Variants in EIF6 observed in about 807,000 individuals in gnomAD.
The protein encoded by EIF6 is B4 integrin interactor.
A neutral mutation model predicts 25.5 loss-of-function variants in EIF6; 10 were observed. The observed-to-expected ratio is 0.39, with a 90% CI of 0.24 to 0.66. EIF6 has a LOEUF of 0.66. Ranked by LOEUF, EIF6 falls within the 30% of genes least tolerant of loss-of-function variation. The probability of loss-of-function intolerance (pLI) is 0.45; values close to 1 mark genes in which losing one functional copy is unlikely to be tolerated. For missense variants in EIF6, 246 were observed against 315.4 expected (o/e 0.78, Z 1.67); for synonymous variants, 122 against 122.6 (o/e 1.00, Z 0.03).
Position 35,279,029 on chromosome 20 carries a change from T to C in EIF6, c.*168A>G, listed in dbSNP as rs529273542. Reference sequence around the variant, plus strand: ...ACAGAGCAGGTTTTTGCAGTAATGATAGATCCAGGCGATAAGCACAGGTGG... The same window carrying C: ...ACAGAGCAGGTTTTTGCAGTAATGACAGATCCAGGCGATAAGCACAGGTGG... On this transcript the variant is annotated 3_prime_UTR_variant, in exon 7 of 7. Coordinates refer to ENST00000374450, the MANE Select transcript of EIF6 (RefSeq NM_002212.4). 8 of 833,814 alleles carry C rather than the reference T, an allele frequency of 9.6e-6. No homozygotes were observed. Among genetic ancestry groups the C allele is most frequent in the African/African-American group, 1.7e-5 (1 of 58,768 alleles). 51.7% of individuals were successfully genotyped at this position (833,814 alleles called of 1,614,324 possible).
chr20:35,284,683 G>T, intron 1 of EIF6, 43 bp downstream of exon 1: 1 of 640,200 alleles, frequency 1.6e-6, no homozygotes, highest in Non-Finnish European at 2.7e-6. Context: ...TCCCGACCCA[G>T]GACCGGAGCT....
chr20:35,281,328 G>GATTGCTCGGGGGAATAGGT (rs1171819617), intron 3 of EIF6, among the ~76,000 whole-genome samples: 1 of 151,316 alleles, frequency 6.6e-6, no homozygotes, highest in Non-Finnish European at 1.5e-5. Context: ...GGAGCTTGCA[G>GATTGCTCGGGGGAATAGGT]TGAGCCGAGA....
intron 4 of EIF6, 109 bp downstream of exon 4, chr20:35,280,545 T>C (rs903662197): frequency 2.2e-5 from 29 of 1,338,936 alleles, no homozygotes; most frequent in South Asian, 2.1e-4. Context: ...AGAGCCCATA[T>C]AGAAAAACCA....
At chr20:35,284,597 G>T (rs999467908) in intron 1 of EIF6, 105 bp from the exon 2 acceptor site, 1 of 1,347,158 alleles carries the variant, frequency 7.4e-7, no homozygotes. Context: ...TCGGCCTCCC[G>T]GCCCCTCCGT....
chr20:35,279,841 A>G, intron 5 of EIF6, 94 bp from the exon 6 acceptor site: 4 of 1,588,964 alleles, frequency 2.5e-6, no homozygotes, highest in Non-Finnish European at 2.6e-6. Flanking sequence ...CCTGACCTGC[A>G]GCCCCAGTCC....
chr20:35,284,038 G>T, intron 3 of EIF6, 138 bp downstream of exon 3: 1 of 1,122,996 alleles, frequency 8.9e-7, no homozygotes, highest in Non-Finnish European at 1.2e-6. Context: ...CCTGACGCTT[G>T]GCCTGAGAGA....
rs2060759143 is a variant in EIF6 at position 35,279,964 on chromosome 20, G to A, written c.524C>T (p.Ser175Phe). 7.4e-6 allele frequency: 12 copies of A among 1,614,148 alleles called. No individual in the cohort carries two copies. The highest frequency in any genetic ancestry group is 1.0e-5 in the Non-Finnish European group (12 of 1,180,000). The change falls in exon 5 of 7, where the codon TCT becomes TTT. Residue 175 changes from serine (S) to phenylalanine (F), a missense_variant. Physicochemically the swap from Ser to Phe is radical, Grantham distance 155. Transcript: ENST00000374450. Reference sequence around the variant, plus strand: ...TACCACAAGGGGGACTTGAAGAAGAGAGGACAGCTCATCCTGGTCTTCAAT... The same window carrying A: ...TACCACAAGGGGGACTTGAAGAAGAAAGGACAGCTCATCCTGGTCTTCAAT... ...TSIEDQDELS[S>F]LLQVPLVAGT...
chr20:35,279,138 G>A lies in EIF6; in HGVS notation c.*59C>T. The A allele has an allele frequency of 1.2e-6, 2 of 1,611,322 alleles. No individual in the cohort carries two copies. The highest frequency in any genetic ancestry group is 1.7e-6 in the Non-Finnish European group (2 of 1,177,716). On this transcript the variant is annotated 3_prime_UTR_variant, in exon 7 of 7. Coordinates refer to ENST00000374450, the MANE Select transcript of EIF6 (RefSeq NM_002212.4). ...GCATCCGGTACAGATTGGGCGGAAT[G>A]TGGAGAAGGTTGGCCACAGTCCAGA...
intron 5 of EIF6, 70 bp downstream of exon 5, chr20:35,279,872 C>A: frequency 6.3e-7 from 1 of 1,589,394 alleles, no homozygotes; most frequent in South Asian, 1.1e-5. Flanking sequence ...CAGGTAATGA[C>A]CCAGACTCCC....
chr20:35,280,014 T>C lies in EIF6; in HGVS notation c.474A>G (p.Gly158=). The change falls in exon 5 of 7, where the codon GGA becomes GGG. Residue 158 remains glycine (G), a synonymous_variant. Coordinates refer to ENST00000374450, the MANE Select transcript of EIF6 (RefSeq NM_002212.4). ...TTGAAGTCTTGGGATGCACCAGCCC[T>C]CCCTGATTGCTGAAGACACAGTAGC... ...VGSYCVFSNQ[G]GLVHPKTSIE... is the part of the protein sequence containing the mutation. 1.2e-6 allele frequency: 2 copies of C among 1,614,208 alleles called. No individual in the cohort carries two copies. The highest frequency in any genetic ancestry group is 1.7e-6 in the Non-Finnish European group (2 of 1,180,028).
In EIF6 at chr20:35,284,500, C is replaced by A; in HGVS notation, c.-5-8G>T. Reference sequence around the variant, plus strand: ...CTCGGACCGCCATGAGGCCTAGGGGCGGCGGAGGCGGGAGTTCAAGGCCGG... The same window carrying A: ...CTCGGACCGCCATGAGGCCTAGGGGAGGCGGAGGCGGGAGTTCAAGGCCGG... On this transcript the variant is annotated splice_region_variant and splice_polypyrimidine_tract_variant and intron_variant, in intron 1 of 6. Coordinates refer to ENST00000374450, the MANE Select transcript of EIF6 (RefSeq NM_002212.4). 1 of 1,587,868 alleles carries A rather than the reference C, an allele frequency of 6.3e-7. No homozygotes were observed. Among genetic ancestry groups the A allele is most frequent in the South Asian group, 1.1e-5 (1 of 89,420 alleles).
chr20:35,279,140 G>A lies in EIF6; in HGVS notation c.*57C>T. On this transcript the variant is annotated 3_prime_UTR_variant, in exon 7 of 7. Transcript: ENST00000374450. ...ATCCGGTACAGATTGGGCGGAATGT[G>A]GAGAAGGTTGGCCACAGTCCAGAGC... is the stretch of plus-strand genomic sequence containing the variant. 2.5e-6 allele frequency: 4 copies of A among 1,611,946 alleles called. No homozygotes were observed. The highest frequency in any genetic ancestry group is 3.4e-6 in the Non-Finnish European group (4 of 1,178,270).
chr20:35,279,445 A>G, intron 6 of EIF6, 121 bp downstream of exon 6: 1 of 1,383,874 alleles, frequency 7.2e-7, no homozygotes, highest in Middle Eastern at 1.8e-4. Flanking sequence ...ATGCTCTCAC[A>G]CTCGAGAAGC....
chr20:35,284,109 C>T, intron 3 of EIF6, 67 bp downstream of exon 3: 2 of 1,515,496 alleles, frequency 1.3e-6, no homozygotes, highest in South Asian at 2.5e-5. Context: ...CTCCGGGTTC[C>T]CTCCGGGGGT....
In EIF6 at chr20:35,279,655, T is replaced by C. The variant is rs115776444; in HGVS notation, c.639A>G (p.Thr213=). The C allele has an allele frequency of 9.8e-5, 159 of 1,614,238 alleles. 1 individual carries two copies. The East Asian group carries it at 3.0e-3, about 30-fold the overall frequency. ...CAFCGLDTTS[T]ELSVVESVFK... is the part of the protein sequence containing the mutation. ...AGACACTCTCCACCACTGACAGCTC[T>C]GTGCTGGTTGTGTCCAGGCCACAGA... Residue 213 remains threonine, a synonymous_variant, in exon 6 of 7, where the codon ACA becomes ACG. Coordinates refer to ENST00000374450, the MANE Select transcript of EIF6 (RefSeq NM_002212.4).
At chr20:35,281,747 G>A (rs2060777626) in intron 3 of EIF6, among the ~76,000 whole-genome samples, 3 of 151,926 alleles carry the variant, frequency 2.0e-5, no homozygotes, top group Admixed American at 1.3e-4. Flanking sequence ...CCCCCAGCCA[G>A]AATGACTAAA....
Position 35,284,224 on chromosome 20 carries a change from C to T in EIF6, c.145G>A (p.Val49Met), listed in dbSNP as rs1238591815. 2.5e-6 allele frequency: 4 copies of T among 1,607,834 alleles called. No homozygotes were observed. Among genetic ancestry groups the T allele is most frequent in the Admixed American group, 1.7e-5 (1 of 59,896 alleles). Residue 49 changes from valine (V) to methionine (M), a missense_variant, in exon 3 of 7, where the codon GTG (valine) becomes ATG (methionine). Transcript: ENST00000374450. The stretch of plus-strand genomic sequence containing the variant: ...CGGCAGCCGGCGATAGACGCGTGCA[C>T]CACGGGGATGGTATCGGAGAGCTCG... ...EGELSDTIPV[V>M]HASIAGCRII...
At chr20:35,281,716 G>A (rs1302525199) in intron 3 of EIF6, among the ~76,000 whole-genome samples, 3 of 151,996 alleles carry the variant, frequency 2.0e-5, no homozygotes, top group Non-Finnish European at 4.4e-5. Context: ...AAAGTGCTAC[G>A]ATTACAGGTG....
rs965016687 is a variant in EIF6 at position 35,280,184 on chromosome 20, C to A, written c.370-66G>T. 19 of 1,557,672 alleles carry A rather than the reference C, an allele frequency of 1.2e-5. No individual in the cohort carries two copies. The African/African-American group carries it at 2.2e-4, about 18-fold the overall frequency. On this transcript the variant is annotated intron_variant, in intron 4 of 6. Coordinates refer to ENST00000374450, the MANE Select transcript of EIF6 (RefSeq NM_002212.4). ...AGCCCCAGAACCAAGGTTCTCCATG[C>A]CCAGAAGCATCCAGGCCTTGGCTCC...
Sources: gnomAD v4.1 joint callset for allele counts (sites outside exome capture counted in the v4.1 genomes callset) on GRCh38, gnomAD v4.1.1 for gene constraint, MANE v1.5 for transcripts, NCBI Gene and HGNC (gene_info 2026-07-23, HGNC 2026-07-21) for gene names.